Variants in SIPA1L3 observed in about 807,000 individuals in gnomAD.
The protein encoded by SIPA1L3 is signal-induced proliferation-associated 1-like protein 3.
A neutral mutation model predicts 150.1 loss-of-function variants in SIPA1L3; 59 were observed. The observed-to-expected ratio is 0.39, with a 90% CI of 0.32 to 0.49. SIPA1L3 has a LOEUF of 0.49. Among genes scored for constraint, SIPA1L3 ranks in the 20% least tolerant of loss-of-function variants. The pLI is 0.86. For synonymous variants in SIPA1L3, 1,070 were observed against 1,077.6 expected (o/e 0.99, Z 0.14); for missense variants, 2,211 against 2,489.5 (o/e 0.89, Z 2.38).
At chr19:38,006,490 C>T (rs1967941498) in intron 1 of SIPA1L3, among the ~76,000 whole-genome samples, 1 of 152,096 alleles carries the variant, frequency 6.6e-6, no homozygotes. Context: ...GATGACAGTC[C>T]CCCACACTGA....
intron 8 of SIPA1L3, among the ~76,000 whole-genome samples, chr19:38,113,088 A>G (rs563475692): frequency 6.6e-6 from 1 of 152,164 alleles, no homozygotes; most frequent in South Asian, 2.1e-4. Context: ...GGTGCCTGTA[A>G]TTACAGCTGT....
Position 37,918,716 on chromosome 19 carries a change from A to T in SIPA1L3, c.-379+11358A>T, listed in dbSNP as rs1243998856. 1.7e-4 allele frequency among the ~76,000 whole-genome samples: 26 copies of T among 151,732 alleles called. No homozygotes were observed. In the East Asian group the frequency reaches 5.1e-3, roughly 30 times the overall value. ...GAAATCCCATCTCTACTAAAAATAGAAAAAATTAGCCAGGCATGGTGGTGG... is the reference window on the plus strand; with the variant it reads ...GAAATCCCATCTCTACTAAAAATAGTAAAAATTAGCCAGGCATGGTGGTGG... On this transcript the variant is annotated intron_variant, in intron 1 of 21. Coordinates refer to ENST00000222345, the MANE Select transcript of SIPA1L3 (RefSeq NM_015073.3).
intron 5 of SIPA1L3, 148 bp downstream of exon 5, chr19:38,100,298 A>C: frequency 1.6e-6 from 1 of 637,940 alleles, no homozygotes; most frequent in East Asian, 3.2e-5. Context: ...GAGGGATTCA[A>C]ATCAAATTCT....
chr19:38,002,749 T>TATGTATATAA (rs1165517267), intron 1 of SIPA1L3, among the ~76,000 whole-genome samples: 25 of 146,326 alleles, frequency 1.7e-4, no homozygotes, highest in African/African-American at 6.5e-4. Flanking sequence ...AAAAAATTTA[T>TATGTATATAA]ATGTATATAT....
At position 38,141,264 on chromosome 19, in the gene SIPA1L3, C is replaced by A. The variant is rs756430486; in HGVS notation, c.3224C>A (p.Pro1075His). ...AGCATCACTCCTGGGGGCCGGCCCCCCTACCGCAGCAATGCTCCCTGGCAG... is the reference window on the plus strand; with the variant it reads ...AGCATCACTCCTGGGGGCCGGCCCCACTACCGCAGCAATGCTCCCTGGCAG... ...QESITPGGRP[P>H]YRSNAPWQWS... The change falls in exon 11 of 22, where the codon CCC becomes CAC. Residue 1075 changes from proline (P) to histidine (H), a missense_variant. Transcript: ENST00000222345. 2 of 1,613,726 alleles carry A rather than the reference C, an allele frequency of 1.2e-6. No individual in the cohort carries two copies.
intron 15 of SIPA1L3, among the ~76,000 whole-genome samples, chr19:38,166,147 G>A (rs1032194089): frequency 7.2e-5 from 11 of 152,108 alleles, no homozygotes; most frequent in Non-Finnish European, 1.0e-4. Context: ...AGAGGCAGAC[G>A]GGAGTAAGAG....
intron 1 of SIPA1L3, among the ~76,000 whole-genome samples, chr19:37,999,487 A>G (rs559714979): frequency 7.9e-5 from 12 of 152,290 alleles, no homozygotes; most frequent in East Asian, 7.7e-4. Flanking sequence ...CTAGTTGCAC[A>G]TGGAAGTGAG....
chr19:37,948,047 A>G (rs2046728374), intron 1 of SIPA1L3, among the ~76,000 whole-genome samples: 1 of 152,182 alleles, frequency 6.6e-6, no homozygotes, highest in African/African-American at 2.4e-5. Context: ...AGTGACCAGG[A>G]TGTTTCTGAA....
intron 2 of SIPA1L3, among the ~76,000 whole-genome samples, chr19:38,067,138 C>T (rs546479468): frequency 6.6e-6 from 1 of 151,876 alleles, no homozygotes; most frequent in African/African-American, 2.4e-5. Context: ...ACTTGGGAGG[C>T]TGAGGCAGGA....
intron 1 of SIPA1L3, among the ~76,000 whole-genome samples, chr19:37,913,477 C>A (rs935918021): frequency 6.6e-6 from 1 of 152,122 alleles, no homozygotes; most frequent in Non-Finnish European, 1.5e-5. Flanking sequence ...CTCACTGCAA[C>A]CACTGCCTCC....
At chr19:38,158,548 G>A (rs1431381854) in intron 13 of SIPA1L3, among the ~76,000 whole-genome samples, 2 of 152,328 alleles carry the variant, frequency 1.3e-5, no homozygotes, top group South Asian at 2.1e-4. Context: ...CAGAGGAGGG[G>A]CAGGATCTGA....
chr19:38,137,168 C>A (rs1034217769), intron 10 of SIPA1L3, among the ~76,000 whole-genome samples: 4 of 152,098 alleles, frequency 2.6e-5, no homozygotes, highest in African/African-American at 9.7e-5. Context: ...CTCCATGCTG[C>A]ATGCTGCCTT....
Position 38,046,352 on chromosome 19 carries a change from G to C in SIPA1L3, c.-311+17196G>C, listed in dbSNP as rs1257442214. 6.6e-6 allele frequency among the ~76,000 whole-genome samples: 1 copy of C among 152,156 alleles called. No homozygotes were observed. Among genetic ancestry groups the C allele is most frequent in the Non-Finnish European group, 1.5e-5 (1 of 68,036 alleles). On this transcript the variant is annotated intron_variant, in intron 2 of 21. Transcript: ENST00000222345. The surrounding 1 kb of genome is among the most constrained non-coding windows in gnomAD (Gnocchi z 5.6). ...CCTCTCAGGCCCAGCGCTGCCAGCA[G>C]CCTGTCCCCCCTCCTCATTTCCCTA...
At chr19:38,083,176 C>T (rs1184485044) in intron 3 of SIPA1L3, 77 bp downstream of exon 3, 2 of 1,370,338 alleles carry the variant, frequency 1.5e-6, no homozygotes, top group Non-Finnish European at 2.0e-6. Flanking sequence ...CATTCATTCA[C>T]TCTGTGCCAG....
intron 1 of SIPA1L3, among the ~76,000 whole-genome samples, chr19:38,026,118 G>A (rs565943848): frequency 1.3e-5 from 2 of 152,250 alleles, no homozygotes; most frequent in South Asian, 2.1e-4. Flanking sequence ...TGGGAGATTC[G>A]GCTTGGAATG....
At chr19:37,975,973 C>G (rs538636160) in intron 1 of SIPA1L3, among the ~76,000 whole-genome samples, 1 of 152,010 alleles carries the variant, frequency 6.6e-6, no homozygotes, top group African/African-American at 2.4e-5. Context: ...TGCGTGGTGG[C>G]GGGCGCCAGT....
chr19:38,163,854 G>A (rs1006824278), intron 14 of SIPA1L3, among the ~76,000 whole-genome samples: 2 of 152,206 alleles, frequency 1.3e-5, no homozygotes, highest in African/African-American at 4.8e-5. Flanking sequence ...AGCCACAGGT[G>A]GGGGTCATCA....
In SIPA1L3 at chr19:38,181,453, G is replaced by A. The variant is rs1014052111; in HGVS notation, c.4209-1066G>A. Among the ~76,000 whole-genome samples the A allele has an allele frequency of 2.0e-5, 3 of 152,042 alleles. No individual in the cohort carries two copies. In the East Asian group the frequency reaches 5.8e-4, roughly 29 times the overall value. Reference sequence around the variant, plus strand: ...TCGAGGCCAGCCTGGGCAACATAGCGAGACCTTGTCTCTTTAAATAAACAA... The same window carrying A: ...TCGAGGCCAGCCTGGGCAACATAGCAAGACCTTGTCTCTTTAAATAAACAA... On this transcript the variant is annotated intron_variant, in intron 15 of 21. Coordinates refer to ENST00000222345, the MANE Select transcript of SIPA1L3 (RefSeq NM_015073.3).
At chr19:37,977,820 C>T (rs1269827817) in intron 1 of SIPA1L3, among the ~76,000 whole-genome samples, 1 of 152,180 alleles carries the variant, frequency 6.6e-6, no homozygotes, top group African/African-American at 2.4e-5. Context: ...GTCTCCTCCT[C>T]ACAGGTCCTG....
Sources: allele counts gnomAD v4.1 joint callset (sites outside exome capture counted in the v4.1 genomes callset), GRCh38; gene constraint gnomAD v4.1.1; non-coding constraint Gnocchi (gnomAD v3.1); transcripts MANE v1.5; gene names NCBI Gene and HGNC (gene_info 2026-07-23, HGNC 2026-07-21).